Variants in NFATC2 observed in about 807,000 individuals in gnomAD.
The protein encoded by NFATC2 is nuclear factor of activated T cells 2.
A neutral mutation model predicts 87.3 loss-of-function variants in NFATC2; 22 were observed. The observed-to-expected ratio is 0.25, with a 90% CI of 0.18 to 0.36. The LOEUF is 0.36. NFATC2 is among the 10% of genes least tolerant of loss of function. The pLI is 1.00. For synonymous variants in NFATC2, 565 were observed against 542.2 expected, an observed-to-expected ratio of 1.04 and a Z score of -0.58; for missense variants, 1,149 against 1,259.1, an observed-to-expected ratio of 0.91 and a Z score of 1.32.
chr20:51,550,571 A>G (rs2076924673), intron 1 of NFATC2, among the ~76,000 whole-genome samples: 3 of 152,180 alleles, frequency 2.0e-5, no homozygotes, highest in Admixed American at 2.0e-4. Flanking sequence ...AGCCTGGGTG[A>G]CAAGAGCGAA....
chr20:51,434,865 G>A (rs1336947026), intron 8 of NFATC2, among the ~76,000 whole-genome samples: 2 of 152,118 alleles, frequency 1.3e-5, no homozygotes, highest in Admixed American at 1.3e-4. Flanking sequence ...CCAGGGACAG[G>A]AGTCATCCAC....
intron 1 of NFATC2, among the ~76,000 whole-genome samples, chr20:51,533,854 C>T (rs551280135): frequency 6.6e-6 from 1 of 152,332 alleles, no homozygotes; most frequent in South Asian, 2.1e-4. Flanking sequence ...TGTATGGAAT[C>T]TGCAACCCGC....
At chr20:51,513,643 C>G (rs1274781930) in intron 3 of NFATC2, among the ~76,000 whole-genome samples, 2 of 152,202 alleles carry the variant, frequency 1.3e-5, no homozygotes, top group Non-Finnish European at 2.9e-5. Flanking sequence ...TTCCAGGGCC[C>G]CAGCCCCTGA....
intron 9 of NFATC2, among the ~76,000 whole-genome samples, chr20:51,405,542 G>T (rs1438302546): frequency 2.0e-5 from 3 of 152,200 alleles, no homozygotes; most frequent in Admixed American, 2.0e-4. Flanking sequence ...GCTGTGCATG[G>T]CTCCTGTGGC....
At chr20:51,520,665 T>A (rs915569152) in intron 2 of NFATC2, among the ~76,000 whole-genome samples, 11 of 151,492 alleles carry the variant, frequency 7.3e-5, no homozygotes, top group Non-Finnish European at 1.5e-4. Flanking sequence ...TATTATTATT[T>A]ATTTTTATTT....
chr20:51,432,788 C>A lies in NFATC2; in HGVS notation c.2033-32G>T. The stretch of plus-strand genomic sequence containing the variant: ...GGAGAAAAGAGCACATAGGGGCGCC[C>A]ATGGCAGTGAGCCACGGATGTGCAC... On this transcript the variant is annotated intron_variant, in intron 8 of 10. Coordinates refer to ENST00000371564, the MANE Select transcript of NFATC2 (RefSeq NM_012340.5). This position sits in a 1 kb window ranked among gnomAD's most constrained non-coding sequence, Gnocchi z 4.6. The A allele has an allele frequency of 6.6e-7, 1 of 1,516,652 alleles. No homozygotes were observed. The highest frequency in any genetic ancestry group is 8.8e-7 in the Non-Finnish European group (1 of 1,140,888). The allele number at this position is 1,516,652 out of a possible 1,614,324, so 93.9% of individuals were successfully genotyped here.
At chr20:51,444,388 A>G (rs1984779431) in intron 6 of NFATC2, among the ~76,000 whole-genome samples, 1 of 151,778 alleles carries the variant, frequency 6.6e-6, no homozygotes, top group South Asian at 2.1e-4. Flanking sequence ...TTGCTGATGT[A>G]TGGCCCCTAT....
chr20:51,391,116 T>C lies in NFATC2; in HGVS notation c.*380A>G, dbSNP rs1986265900. 1.7e-6 allele frequency: 1 copy of C among 574,662 alleles called. No individual in the cohort carries two copies. Among genetic ancestry groups the C allele is most frequent in the East Asian group, 3.5e-5 (1 of 28,746 alleles). The allele number at this position is 574,662 out of a possible 1,614,324, so 35.6% of individuals were successfully genotyped here. ...TTCCAGTGTCCTGTCTCATGTAGAATGTGCTTTTGGTCAGCAGGTGCTTAC... is the reference window on the plus strand; with the variant it reads ...TTCCAGTGTCCTGTCTCATGTAGAACGTGCTTTTGGTCAGCAGGTGCTTAC... On this transcript the variant is annotated 3_prime_UTR_variant, in exon 11 of 11. Transcript: ENST00000371564.
chr20:51,505,255 T>A (rs529955688), intron 3 of NFATC2, among the ~76,000 whole-genome samples: 19 of 151,482 alleles, frequency 1.3e-4, no homozygotes, highest in Non-Finnish European at 2.8e-4. Context: ...CTCTTGACCT[T>A]GTGATCTGCC....
chr20:51,418,474 C>T (rs1439127649), intron 9 of NFATC2, among the ~76,000 whole-genome samples: 1 of 152,122 alleles, frequency 6.6e-6, no homozygotes, highest in Non-Finnish European at 1.5e-5. Flanking sequence ...TAATCCAGCC[C>T]GAAATGTCAG....
At chr20:51,469,697 C>T (rs1009234662) in intron 5 of NFATC2, among the ~76,000 whole-genome samples, 3 of 152,058 alleles carry the variant, frequency 2.0e-5, no homozygotes, top group African/African-American at 7.2e-5. Context: ...ACACAGAGAC[C>T]CAGAGAAGGC....
chr20:51,447,164 A>G (rs759551923), intron 6 of NFATC2, among the ~76,000 whole-genome samples: 2 of 152,198 alleles, frequency 1.3e-5, no homozygotes, highest in African/African-American at 4.8e-5. Flanking sequence ...GGGACCTCCA[A>G]GTAATAAAAT....
At chr20:51,401,596 A>T (rs769917074) in intron 9 of NFATC2, among the ~76,000 whole-genome samples, 17 of 152,306 alleles carry the variant, frequency 1.1e-4, no homozygotes, top group African/African-American at 3.9e-4. Flanking sequence ...ATTTAGACTT[A>T]CTACATGGTC....
intron 10 of NFATC2, 54 bp downstream of exon 10, chr20:51,398,589 G>T (rs1055763138): frequency 7.5e-6 from 10 of 1,332,608 alleles, no homozygotes; most frequent in Admixed American, 2.4e-5. Context: ...AAAAATTCAA[G>T]TTAAGGAAAC....
chr20:51,395,996 C>CCAGGA (rs1292524996), intron 10 of NFATC2, among the ~76,000 whole-genome samples: 2 of 135,288 alleles, frequency 1.5e-5, no homozygotes, highest in Admixed American at 1.6e-4. Context: ...AGGCTGGGGG[C>CCAGGA]CAGGATTGAC....
chr20:51,509,571 CA>C (rs2076240155), intron 3 of NFATC2, among the ~76,000 whole-genome samples: 1 of 152,158 alleles, frequency 6.6e-6, no homozygotes, highest in South Asian at 2.1e-4. Flanking sequence ...CAGCCCTGAT[CA>C]AGACAAATTA....
intron 5 of NFATC2, among the ~76,000 whole-genome samples, chr20:51,470,896 A>C (rs1353545950): frequency 6.6e-6 from 1 of 152,182 alleles, no homozygotes; most frequent in Non-Finnish European, 1.5e-5. Context: ...CTGGTAGCTC[A>C]GCTTGGTATT....
At chr20:51,532,207 C>T (rs1308954970) in intron 1 of NFATC2, among the ~76,000 whole-genome samples, 2 of 152,130 alleles carry the variant, frequency 1.3e-5, no homozygotes, top group African/African-American at 4.8e-5. Context: ...GATATCGTTT[C>T]CCCATTTTAT....
In NFATC2 at chr20:51,475,511, G is replaced by A; in HGVS notation, c.1482C>T (p.Gly494=). 6.2e-7 allele frequency: 1 copy of A among 1,614,096 alleles called. No individual in the cohort carries two copies. The highest frequency in any genetic ancestry group is 8.5e-7 in the Non-Finnish European group (1 of 1,180,024). Reference sequence around the variant, plus strand: ...AGGGTATCTCCAGGACTTTGGTGTTGCCCACTATCTTCTCATAGCTGGTGG... The same window carrying A: ...AGGGTATCTCCAGGACTTTGGTGTTACCCACTATCTTCTCATAGCTGGTGG... ...VTTTSYEKIV[G]NTKVLEIPLE... The change falls in exon 4 of 11, where the codon GGC becomes GGT. Residue 494 remains glycine, a synonymous_variant. Transcript: ENST00000371564.
Sources: gnomAD v4.1 joint callset for allele counts (sites outside exome capture counted in the v4.1 genomes callset) on GRCh38, gnomAD v4.1.1 for gene constraint, Gnocchi (gnomAD v3.1) non-coding constraint, MANE v1.5 for transcripts, NCBI Gene and HGNC (gene_info 2026-07-23, HGNC 2026-07-21) for gene names.